The following ARHGAP24 variants were observed in gnomAD, a reference collection of about 807,000 sequenced individuals.
The protein encoded by ARHGAP24 is rho GTPase-activating protein 24.
A neutral mutation model predicts 76.4 loss-of-function variants in ARHGAP24; 50 were observed. The observed-to-expected ratio is 0.65, with a 90% CI of 0.52 to 0.83. The LOEUF (loss-of-function observed/expected upper bound fraction) is 0.83, where lower values mean the gene tolerates loss of function less well. ARHGAP24 is among the 40% of genes least tolerant of loss of function. The pLI, the probability that ARHGAP24 is intolerant of heterozygous loss-of-function variation, is 0.00. For missense variants in ARHGAP24, 930 were observed against 914.2 expected, an observed-to-expected ratio of 1.02 and a Z score of -0.22; for synonymous variants, 345 against 323.3, an observed-to-expected ratio of 1.07 and a Z score of -0.72.
chr4:85,552,365 T>C lies in ARHGAP24; in HGVS notation c.-20-18157T>C, dbSNP rs563756646. ...TTTTCTTAGTATTGATTTCTATTTT[T>C]GTTGAGCTGTGGTCTGAGAGAGTGG... is the stretch of plus-strand genomic sequence containing the variant. On this transcript the variant is annotated intron_variant, in intron 1 of 9. Transcript: ENST00000395184. 1.6e-3 allele frequency among the ~76,000 whole-genome samples: 241 copies of C among 152,302 alleles called. 2 individuals are homozygous for C. Among genetic ancestry groups the C allele is most frequent in the African/African-American group, 5.5e-3 (230 of 41,584 alleles).
chr4:85,714,802 T>A (rs1724674815), intron 2 of ARHGAP24, among the ~76,000 whole-genome samples: 1 of 152,122 alleles, frequency 6.6e-6, no homozygotes, highest in Non-Finnish European at 1.5e-5. Context: ...CCCCCAGGAA[T>A]CTATGTAACT....
intron 1 of ARHGAP24, among the ~76,000 whole-genome samples, chr4:85,519,256 G>A (rs921039448): frequency 6.6e-6 from 1 of 152,062 alleles, no homozygotes; most frequent in African/African-American, 2.4e-5. Flanking sequence ...ACATTAGTAG[G>A]TGCTGAATGT....
intron 3 of ARHGAP24, among the ~76,000 whole-genome samples, chr4:85,903,487 A>G (rs1578368410): frequency 6.6e-6 from 1 of 152,106 alleles, no homozygotes; most frequent in Admixed American, 6.5e-5. Flanking sequence ...TGATGGTTTC[A>G]TTTAAAAGCT....
At chr4:85,529,821 G>A (rs1461104597) in intron 1 of ARHGAP24, among the ~76,000 whole-genome samples, 8 of 151,938 alleles carry the variant, frequency 5.3e-5, no homozygotes. Context: ...TGAATGGTCA[G>A]CAAAACCTGA....
At chr4:85,564,448 G>C (rs549105532) in intron 1 of ARHGAP24, among the ~76,000 whole-genome samples, 3 of 79,344 alleles carry the variant, frequency 3.8e-5, no homozygotes, top group East Asian at 1.2e-3. Flanking sequence ...TGTAAATGAC[G>C]AGTTAATGGG....
rs562902841 is a variant in ARHGAP24 at position 85,563,006 on chromosome 4, A to G, written c.-20-7516A>G. 3.9e-4 allele frequency among the ~76,000 whole-genome samples: 60 copies of G among 152,296 alleles called. 1 individual carries two copies. Among genetic ancestry groups the G allele is most frequent in the Admixed American group, 3.0e-3 (46 of 15,298 alleles). On this transcript the variant is annotated intron_variant, in intron 1 of 9. Transcript: ENST00000395184. ...GTGAGAATTGTTGCTCAAGTAATTT[A>G]TTATGGAATGCACTCAGGAGAAGGG...
At position 85,719,038 on chromosome 4, in the gene ARHGAP24, A is replaced by G. The variant is rs1724833707; in HGVS notation, c.181-2847A>G. On this transcript the variant is annotated intron_variant, in intron 2 of 9. Coordinates refer to ENST00000395184, the MANE Select transcript of ARHGAP24 (RefSeq NM_001025616.3). Reference sequence around the variant, plus strand: ...CACAAATACACATGTGGATAAAATGAATATTAGATGCTATGTTCTAAAACT... The same window carrying G: ...CACAAATACACATGTGGATAAAATGGATATTAGATGCTATGTTCTAAAACT... Among the ~76,000 whole-genome samples, 3 of 152,336 alleles carry G rather than the reference A, an allele frequency of 2.0e-5. No homozygotes were observed. The South Asian group carries it at 6.2e-4, about 32-fold the overall frequency.
At chr4:85,624,553 T>G (rs1720860370) in intron 2 of ARHGAP24, among the ~76,000 whole-genome samples, 2 of 152,326 alleles carry the variant, frequency 1.3e-5, no homozygotes, top group African/African-American at 4.8e-5. Context: ...TTCTCTTTTT[T>G]GGTTGTGTCT....
intron 3 of ARHGAP24, among the ~76,000 whole-genome samples, chr4:85,842,389 G>A (rs80074620): frequency 0.022 from 3,297 of 152,144 alleles, 114 homozygotes; most frequent in African/African-American, 0.069. Context: ...CTTAGTGGTC[G>A]CTTCTACAGA....
At chr4:85,611,106 TAG>T (rs1471005574) in intron 2 of ARHGAP24, among the ~76,000 whole-genome samples, 5 of 152,322 alleles carry the variant, frequency 3.3e-5, no homozygotes, top group African/African-American at 9.6e-5. Flanking sequence ...CTTAAAAACA[TAG>T]AGTTATACAC....
At chr4:85,883,091 G>A (rs536591011) in intron 3 of ARHGAP24, among the ~76,000 whole-genome samples, 1 of 152,278 alleles carries the variant, frequency 6.6e-6, no homozygotes, top group Non-Finnish European at 1.5e-5. Context: ...GGAACAATGG[G>A]ATTTAAAACA....
intron 2 of ARHGAP24, among the ~76,000 whole-genome samples, chr4:85,664,297 G>A (rs192132772): frequency 0.025 from 3,743 of 150,956 alleles, 365 homozygotes; most frequent in African/African-American, 0.088. Context: ...GTTTATTTGC[G>A]TAGAGGTGTT....
At chr4:85,485,136 G>A (rs1722970659) in intron 1 of ARHGAP24, among the ~76,000 whole-genome samples, 2 of 150,948 alleles carry the variant, frequency 1.3e-5, no homozygotes, top group Non-Finnish European at 2.9e-5. Context: ...ACGAGGTCAG[G>A]GGATCGAGAC....
At chr4:85,775,017 G>A (rs532463985) in intron 3 of ARHGAP24, among the ~76,000 whole-genome samples, 1 of 152,168 alleles carries the variant, frequency 6.6e-6, no homozygotes, top group South Asian at 2.1e-4. Flanking sequence ...TTTCTGATTT[G>A]ATAAAACTTA....
intron 2 of ARHGAP24, among the ~76,000 whole-genome samples, chr4:85,670,970 G>A (rs1354594383): frequency 6.6e-6 from 1 of 152,062 alleles, no homozygotes; most frequent in African/African-American, 2.4e-5. Context: ...GCCCAAGTGT[G>A]TGTTTGAAAA....
chr4:85,779,594 A>G (rs1163173453), intron 3 of ARHGAP24, among the ~76,000 whole-genome samples: 1 of 152,184 alleles, frequency 6.6e-6, no homozygotes, highest in African/African-American at 2.4e-5. Flanking sequence ...AAAAATTCTA[A>G]TAAGCCTACT....
chr4:85,512,898 A>C (rs777206877), intron 1 of ARHGAP24, among the ~76,000 whole-genome samples: 2 of 152,218 alleles, frequency 1.3e-5, no homozygotes, highest in African/African-American at 2.4e-5. Context: ...TACTCCCACC[A>C]ATATATTCAC....
At chr4:85,827,517 T>TGTGTGTGTGTGTGTGTGTGTG (rs1553933033) in intron 3 of ARHGAP24, among the ~76,000 whole-genome samples, 33 of 126,196 alleles carry the variant, frequency 2.6e-4, no homozygotes, top group Non-Finnish European at 2.7e-4. Flanking sequence ...TGTGTGTGTG[T>TGTGTGTGTGTGTGTGTGTGTG]TTAGAGAGAG....
chr4:85,629,904 A>G (rs1289380234), intron 2 of ARHGAP24, among the ~76,000 whole-genome samples: 1 of 151,940 alleles, frequency 6.6e-6, no homozygotes, highest in Non-Finnish European at 1.5e-5. Flanking sequence ...GGGGTTTTCT[A>G]TGTATTTATT....
Sources: allele counts gnomAD v4.1 joint callset (sites outside exome capture counted in the v4.1 genomes callset), GRCh38; gene constraint gnomAD v4.1.1; transcripts MANE v1.5; gene names NCBI Gene and HGNC (gene_info 2026-07-23, HGNC 2026-07-21).